The following DMD variants were observed in gnomAD, a reference collection of about 807,000 sequenced individuals.
The protein encoded by DMD is dystrophin, also known as mutant dystrophin.
Under a neutral mutation model 330.1 loss-of-function variants are expected in DMD, and 63 were observed. That is an observed-to-expected ratio of 0.19 (90% CI 0.16 to 0.24). The LOEUF is 0.24. Ranked by LOEUF, DMD falls within the 10% of genes least tolerant of loss-of-function variation. The pLI, the probability that DMD is intolerant of heterozygous loss-of-function variation, is 1.00. For synonymous variants in DMD, 1,223 were observed against 959.8 expected (o/e 1.27, Z -5.07); for missense variants, 3,344 against 2,684.1 (o/e 1.25, Z -5.43).
At chrX:31,269,121 T>C (rs2147778598) in intron 62 of DMD, among the ~76,000 whole-genome samples, 1 of 111,919 alleles carries the variant, frequency 8.9e-6, no homozygotes, top group South Asian at 3.8e-4. Flanking sequence ...CTTGACGTCA[T>C]ATTATAATTA....
At chrX:32,539,528 A>T (rs1161692905) in intron 17 of DMD, among the ~76,000 whole-genome samples, 3 of 111,395 alleles carry the variant, frequency 2.7e-5, no homozygotes, top group African/African-American at 9.8e-5. Context: ...TAAAAAAAAA[A>T]AGTTCACGGA....
chrX:32,317,925 TATA>T, intron 41 of DMD, among the ~76,000 whole-genome samples: 1 of 110,423 alleles, frequency 9.1e-6, no homozygotes, highest in Non-Finnish European at 1.9e-5. Context: ...TAGTGTGAGC[TATA>T]ATATGAAAAT....
intron 55 of DMD, among the ~76,000 whole-genome samples, chrX:31,617,439 C>T (rs2078262378): frequency 9.9e-6 from 1 of 101,129 alleles, no homozygotes; most frequent in African/African-American, 3.7e-5. Context: ...GAGGCTGAGG[C>T]AGGAGAATCA....
At chrX:32,605,715 C>T (rs1355675768) in intron 12 of DMD, among the ~76,000 whole-genome samples, 1 of 110,594 alleles carries the variant, frequency 9.0e-6, no homozygotes, top group Admixed American at 9.7e-5. Flanking sequence ...TAGATAACCC[C>T]ATTAAAAAGT....
chrX:31,152,172 G>A (rs967497735), intron 74 of DMD, among the ~76,000 whole-genome samples: 1 of 107,875 alleles, frequency 9.3e-6, no homozygotes, highest in Non-Finnish European at 1.9e-5. Flanking sequence ...CCTTATTTAT[G>A]CCTTTAAGCA....
intron 44 of DMD, among the ~76,000 whole-genome samples, chrX:32,112,956 G>C (rs2096595319): frequency 8.9e-6 from 1 of 112,375 alleles, no homozygotes; most frequent in Non-Finnish European, 1.9e-5. Flanking sequence ...TATAGCAGGA[G>C]AAACTCATGT....
At chrX:32,792,565 T>C (rs939515676) in intron 7 of DMD, among the ~76,000 whole-genome samples, 1 of 111,926 alleles carries the variant, frequency 8.9e-6, no homozygotes, top group Non-Finnish European at 1.9e-5. Flanking sequence ...ATATTCTGCC[T>C]AAAATAAACT....
intron 50 of DMD, among the ~76,000 whole-genome samples, chrX:31,812,433 G>C (rs1356719644): frequency 5.9e-5 from 4 of 68,011 alleles, no homozygotes; most frequent in African/African-American, 1.8e-4. Flanking sequence ...GGGGGGAGGG[G>C]GGAGGGATAG....
chrX:31,811,610 G>A (rs1344337705), intron 50 of DMD, among the ~76,000 whole-genome samples: 1 of 111,896 alleles, frequency 8.9e-6, no homozygotes, highest in African/African-American at 3.3e-5. Flanking sequence ...ACTGATTAAG[G>A]GTCTTCACAT....
intron 44 of DMD, among the ~76,000 whole-genome samples, chrX:32,124,462 C>T (rs751222015): frequency 1.8e-5 from 2 of 111,778 alleles, no homozygotes; most frequent in African/African-American, 6.5e-5. Flanking sequence ...TAAACCTGAG[C>T]GAAACTAGGG....
Position 32,343,273 on chromosome X carries a change from T to A in DMD, c.5600A>T (p.Gln1867Leu), listed in dbSNP as rs1253896743. The change falls in exon 40 of 79, where the codon CAA becomes CTA. Residue 1867 changes from glutamine (Q) to leucine (L), a missense_variant. Physicochemically the swap from Gln to Leu is moderately radical, Grantham distance 113. Transcript: ENST00000357033. ...AATTTCTAGAGCCTTTTTTCTTCTT[T>A]GAGACCTCAAATCCTGTTCATGGTG... ...KHNALKDLRS[Q>L]RRKKALEISH... The A allele has an allele frequency of 8.3e-7, 1 of 1,206,322 alleles. No homozygotes were observed. Among genetic ancestry groups the A allele is most frequent in the Admixed American group, 2.2e-5 (1 of 45,964 alleles).
rs182545665 is a variant in DMD at position 32,889,419 on chromosome X, A to C, written c.94-39599T>G. On this transcript the variant is annotated intron_variant, in intron 2 of 78. Transcript: ENST00000357033. ...GTCCCTATGGGATGAATTGTACATG[A>C]AATCAGGTAAGCCACACCCGCCTTC... 4.7e-3 allele frequency among the ~76,000 whole-genome samples: 517 copies of C among 110,739 alleles called. 2 individuals carry two copies. The highest frequency in any genetic ancestry group is 0.016 in the African/African-American group (485 of 30,359).
intron 37 of DMD, among the ~76,000 whole-genome samples, chrX:32,358,617 C>T (rs1308936004): frequency 1.8e-5 from 2 of 111,641 alleles, no homozygotes. Context: ...TTTTAAGGGG[C>T]GTATGTGGGA....
At chrX:31,126,541 A>G in intron 78 of DMD, 101 bp downstream of exon 78, 1 of 703,897 alleles carries the variant, frequency 1.4e-6, no homozygotes, top group South Asian at 2.2e-5. Flanking sequence ...TGTGTAATAC[A>G]CACATGCGCG....
At chrX:31,618,341 C>T (rs1256063307) in intron 55 of DMD, among the ~76,000 whole-genome samples, 1 of 110,863 alleles carries the variant, frequency 9.0e-6, no homozygotes, top group Non-Finnish European at 1.9e-5. Context: ...AGACATTTTT[C>T]AGTAGGCTGT....
chrX:31,233,710 C>T (rs945320653), intron 63 of DMD, among the ~76,000 whole-genome samples: 37 of 111,821 alleles, frequency 3.3e-4, no homozygotes, highest in African/African-American at 1.2e-3. Context: ...CTTAATTTTC[C>T]TAAAGGCTAC....
chrX:33,009,807 T>C (rs1200640293), intron 2 of DMD, among the ~76,000 whole-genome samples: 1 of 28,727 alleles, frequency 3.5e-5, no homozygotes, highest in Admixed American at 3.2e-4. Flanking sequence ...TATATGTGTA[T>C]ATACACACAT....
chrX:32,653,081 G>A (rs1179905300), intron 9 of DMD, among the ~76,000 whole-genome samples: 2 of 111,232 alleles, frequency 1.8e-5, no homozygotes, highest in Non-Finnish European at 3.8e-5. Context: ...TGATTAGATT[G>A]TAAAAATTTT....
intron 34 of DMD, among the ~76,000 whole-genome samples, chrX:32,370,214 G>A (rs752820751): frequency 1.2e-3 from 89 of 76,830 alleles, no homozygotes; most frequent in African/African-American, 3.2e-3. Context: ...CTTGAAAGTG[G>A]TAGTGTTTTT....
Sources: gnomAD v4.1 joint callset for allele counts (sites outside exome capture counted in the v4.1 genomes callset) on GRCh38, gnomAD v4.1.1 for gene constraint, MANE v1.5 for transcripts, NCBI Gene and HGNC (gene_info 2026-07-23, HGNC 2026-07-21) for gene names.